DSCAM: variants seen among roughly 807,000 people sequenced by gnomAD.
DSCAM encodes the protein DS cell adhesion molecule.
Under a neutral mutation model 217.7 loss-of-function variants are expected in DSCAM, and 47 were observed. That is an observed-to-expected ratio of 0.22 (90% confidence interval 0.17 to 0.28). The LOEUF (loss-of-function observed/expected upper bound fraction) is 0.28, where lower values mean the gene tolerates loss of function less well. DSCAM is among the 10% of genes least tolerant of loss of function. DSCAM has a pLI of 1.00. For synonymous variants in DSCAM, 1,056 were observed against 1,015.3 expected (o/e 1.04, Z -0.76); for missense variants, 2,080 against 2,618.3 (o/e 0.79, Z 4.49).
chr21:40,699,663 T>C (rs907767520), intron 2 of DSCAM, among the ~76,000 whole-genome samples: 10 of 152,322 alleles, frequency 6.6e-5, no homozygotes, highest in South Asian at 6.2e-4. Flanking sequence ...AGCCACAACA[T>C]TGCCTTAAGC....
intron 3 of DSCAM, among the ~76,000 whole-genome samples, chr21:40,374,479 C>T (rs34607548): frequency 0.02 from 3,020 of 152,302 alleles, 52 homozygotes; most frequent in Non-Finnish European, 0.034. Flanking sequence ...AGCTATTTCA[C>T]CACAGGCAAA....
chr21:40,511,860 A>G (rs958144939), intron 3 of DSCAM, among the ~76,000 whole-genome samples: 4 of 151,610 alleles, frequency 2.6e-5, no homozygotes, highest in African/African-American at 7.3e-5. Flanking sequence ...GCGTGGTGGC[A>G]GGCGCCTGTA....
At chr21:40,407,203 C>A (rs1022878626) in intron 3 of DSCAM, among the ~76,000 whole-genome samples, 2 of 152,096 alleles carry the variant, frequency 1.3e-5, no homozygotes, top group African/African-American at 4.8e-5. Flanking sequence ...TCTAATTTAG[C>A]TCAGTTAGAA....
intron 3 of DSCAM, among the ~76,000 whole-genome samples, chr21:40,580,529 ACT>A (rs2076896480): frequency 6.6e-6 from 1 of 151,576 alleles, no homozygotes; most frequent in Non-Finnish European, 1.5e-5. Context: ...ACAGAGGGAG[ACT>A]CTGTCTCAAA....
chr21:40,307,510 T>G (rs936040066), intron 9 of DSCAM, among the ~76,000 whole-genome samples: 2 of 152,162 alleles, frequency 1.3e-5, no homozygotes, highest in African/African-American at 4.8e-5. Context: ...TCTACCATTG[T>G]GAAAGTCAGT....
intron 16 of DSCAM, among the ~76,000 whole-genome samples, chr21:40,146,631 C>A (rs1161162856): frequency 6.6e-6 from 1 of 152,164 alleles, no homozygotes; most frequent in Admixed American, 6.5e-5. Context: ...ACTCCACTTG[C>A]TTTTCCCAAC....
intron 3 of DSCAM, among the ~76,000 whole-genome samples, chr21:40,561,790 GC>G (rs33986835): frequency 0.57 from 86,908 of 151,896 alleles, 25,072 homozygotes; most frequent in East Asian, 0.71. Flanking sequence ...AGATGCAGAG[GC>G]CAACACTGGC....
At chr21:40,686,688 C>T (rs963578410) in intron 3 of DSCAM, among the ~76,000 whole-genome samples, 31 of 152,136 alleles carry the variant, frequency 2.0e-4, no homozygotes, top group Non-Finnish European at 1.3e-4. Context: ...TCCTGGCAGG[C>T]TGAGGCCCTG....
At chr21:40,563,600 A>ATATATATATGTT (rs1555858179) in intron 3 of DSCAM, among the ~76,000 whole-genome samples, 2 of 85,266 alleles carry the variant, frequency 2.3e-5, no homozygotes, top group African/African-American at 6.2e-5. Context: ...TTTATATGTT[A>ATATATATATGTT]TATATATGTT....
chr21:40,632,735 T>C (rs977823145), intron 3 of DSCAM, among the ~76,000 whole-genome samples: 1 of 152,170 alleles, frequency 6.6e-6, no homozygotes, highest in African/African-American at 2.4e-5. Context: ...TCCACGTTGA[T>C]TGACAAGCAC....
chr21:40,731,141 TTCTGAAGAAGTA>T (rs2091007146), intron 1 of DSCAM, among the ~76,000 whole-genome samples: 1 of 152,202 alleles, frequency 6.6e-6, no homozygotes, highest in Admixed American at 6.5e-5. Flanking sequence ...AGCATGACTG[TTCTGAAGAAGTA>T]TTTAGGAATG....
chr21:40,474,636 G>A (rs2075918428), intron 3 of DSCAM, among the ~76,000 whole-genome samples: 1 of 152,270 alleles, frequency 6.6e-6, no homozygotes, highest in Non-Finnish European at 1.5e-5. Flanking sequence ...CCATTCTGGT[G>A]CCTCACAAAG....
At chr21:40,448,876 A>G (rs2075696840) in intron 3 of DSCAM, among the ~76,000 whole-genome samples, 1 of 152,204 alleles carries the variant, frequency 6.6e-6, no homozygotes, top group Admixed American at 6.5e-5. Context: ...CCACAAACTT[A>G]GTGGTTTAAA....
At chr21:40,417,178 T>C (rs910207987) in intron 3 of DSCAM, among the ~76,000 whole-genome samples, 1 of 152,212 alleles carries the variant, frequency 6.6e-6, no homozygotes, top group African/African-American at 2.4e-5. Flanking sequence ...CATCTATTTT[T>C]ATCTCATTTA....
intron 17 of DSCAM, among the ~76,000 whole-genome samples, chr21:40,143,620 T>C (rs559208532): frequency 5.4e-4 from 82 of 152,252 alleles, no homozygotes; most frequent in Middle Eastern, 3.4e-3. Context: ...TGAAAACCCG[T>C]CTCTACTAAT....
chr21:40,540,272 T>C (rs1437619144), intron 3 of DSCAM, among the ~76,000 whole-genome samples: 1 of 152,200 alleles, frequency 6.6e-6, no homozygotes, highest in Non-Finnish European at 1.5e-5. Context: ...GTCTAGATTC[T>C]GAAGGCAAAA....
chr21:40,729,295 T>G (rs548992018), intron 1 of DSCAM, among the ~76,000 whole-genome samples: 67 of 152,290 alleles, frequency 4.4e-4, no homozygotes, highest in African/African-American at 1.5e-3. Context: ...AGTTAAGCAG[T>G]GACTGTGTTT....
chr21:40,558,072 TATCCAAGGATC>T (rs2076686596), intron 3 of DSCAM, among the ~76,000 whole-genome samples: 1 of 152,154 alleles, frequency 6.6e-6, no homozygotes, highest in Non-Finnish European at 1.5e-5. Flanking sequence ...CCATAACTAG[TATCCAAGGATC>T]ATCGGTAAAT....
At chr21:40,770,232 G>C (rs1199308725) in intron 1 of DSCAM, among the ~76,000 whole-genome samples, 2 of 152,194 alleles carry the variant, frequency 1.3e-5, no homozygotes, top group African/African-American at 4.8e-5. Flanking sequence ...TTTCTTAAAA[G>C]ACTGGTCTCC....
Sources: allele counts gnomAD v4.1 joint callset (sites outside exome capture counted in the v4.1 genomes callset), GRCh38; gene constraint gnomAD v4.1.1; transcripts MANE v1.5; gene names NCBI Gene and HGNC (gene_info 2026-07-23, HGNC 2026-07-21).